TRPM3: variants seen among roughly 807,000 people sequenced by gnomAD.
TRPM3 encodes the protein long transient receptor potential channel 3.
Under a neutral mutation model 181.2 loss-of-function variants are expected in TRPM3, and 77 were observed. The observed-to-expected ratio is 0.42, with a 90% CI of 0.35 to 0.51. The LOEUF is 0.51. Ranked by LOEUF, TRPM3 falls within the 20% of genes least tolerant of loss-of-function variation. The pLI is 0.01. For missense variants in TRPM3, 1,759 were observed against 2,196.7 expected (o/e 0.80, Z 3.98); for synonymous variants, 745 against 796.4 (o/e 0.94, Z 1.09).
chr9:71,352,812 T>C (rs746670944), intron 1 of TRPM3, among the ~76,000 whole-genome samples: 12 of 152,146 alleles, frequency 7.9e-5, no homozygotes, highest in Non-Finnish European at 1.5e-4. Flanking sequence ...AACCAAAGTC[T>C]ACCAGAGTGG....
At chr9:71,231,185 G>A (rs547271561) in intron 1 of TRPM3, among the ~76,000 whole-genome samples, 15 of 152,134 alleles carry the variant, frequency 9.9e-5, no homozygotes, top group African/African-American at 3.4e-4. Context: ...AGGACTTTAC[G>A]GTTGACTGTA....
intron 7 of TRPM3, among the ~76,000 whole-genome samples, chr9:70,783,631 C>T (rs187170236): frequency 1.1e-3 from 169 of 152,224 alleles, no homozygotes; most frequent in African/African-American, 3.8e-3. Context: ...TCTAGAGAAG[C>T]CTGATGGCAC....
At chr9:70,607,852 C>T (rs749200879) in intron 19 of TRPM3, among the ~76,000 whole-genome samples, 1 of 152,172 alleles carries the variant, frequency 6.6e-6, no homozygotes, top group African/African-American at 2.4e-5. Context: ...TTTGTAGAAC[C>T]GATAGTCTCT....
At chr9:70,762,381 C>G (rs2078299354) in intron 7 of TRPM3, among the ~76,000 whole-genome samples, 1 of 152,062 alleles carries the variant, frequency 6.6e-6, no homozygotes, top group African/African-American at 2.4e-5. Context: ...TAAATGAAAA[C>G]AGGAAAGAGG....
chr9:71,402,761 G>A (rs2093365268), intron 1 of TRPM3, among the ~76,000 whole-genome samples: 1 of 152,124 alleles, frequency 6.6e-6, no homozygotes, highest in African/African-American at 2.4e-5. Flanking sequence ...CTGTGAGACA[G>A]GGAGGCCATG....
At chr9:70,640,974 G>A (rs1460237665) in intron 9 of TRPM3, among the ~76,000 whole-genome samples, 1 of 151,986 alleles carries the variant, frequency 6.6e-6, no homozygotes, top group African/African-American at 2.4e-5. Context: ...GTGATATTTT[G>A]ATGCATGCAT....
chr9:70,970,554 C>T (rs2097232869), intron 1 of TRPM3, among the ~76,000 whole-genome samples: 1 of 152,122 alleles, frequency 6.6e-6, no homozygotes, highest in Non-Finnish European at 1.5e-5. Context: ...TTTCCTGCTA[C>T]TCTCCTCTCT....
At chr9:70,572,004 C>T (rs2052545080) in intron 22 of TRPM3, among the ~76,000 whole-genome samples, 1 of 152,060 alleles carries the variant, frequency 6.6e-6, no homozygotes, top group African/African-American at 2.4e-5. Context: ...TCACTAAGGA[C>T]ACAGTGCTTT....
chr9:71,316,211 C>T (rs185553975), intron 1 of TRPM3, among the ~76,000 whole-genome samples: 18 of 152,252 alleles, frequency 1.2e-4, no homozygotes, highest in South Asian at 4.1e-4. Context: ...GTTATCCCAA[C>T]GTCTACTTTT....
chr9:70,693,472 C>T (rs562751339), intron 8 of TRPM3, among the ~76,000 whole-genome samples: 11 of 151,740 alleles, frequency 7.2e-5, no homozygotes, highest in Admixed American at 5.9e-4. Flanking sequence ...ACATTTTTAG[C>T]GCTTTTTTTT....
chr9:70,624,380 C>G (rs1258459076), intron 14 of TRPM3, among the ~76,000 whole-genome samples: 1 of 152,118 alleles, frequency 6.6e-6, no homozygotes, highest in African/African-American at 2.4e-5. Flanking sequence ...AATACAGCCT[C>G]GAACTCCTGG....
At chr9:70,559,746 C>G (rs1039512612) in intron 22 of TRPM3, among the ~76,000 whole-genome samples, 3 of 152,162 alleles carry the variant, frequency 2.0e-5, no homozygotes, top group Non-Finnish European at 4.4e-5. Context: ...CAGTGACATT[C>G]TTCTTTTCAG....
chr9:71,440,125 AAAAT>A lies in TRPM3; in HGVS notation c.183+6524_183+6527del, dbSNP rs567623898. ...GTGACACAATGAGACTCCATCTCAA[AAAAT>A]AAATAAATAAATAAATACTTTTCTT... On this transcript the variant is annotated intron_variant, in intron 1 of 24. Coordinates refer to the TRPM3 transcript ENST00000357533. 9.4e-3 allele frequency among the ~76,000 whole-genome samples: 1,436 copies of A among 152,216 alleles called. 25 individuals carry two copies. The highest frequency in any genetic ancestry group is 0.032 in the African/African-American group (1,349 of 41,508).
chr9:70,995,756 A>C (rs2097536206), intron 1 of TRPM3, among the ~76,000 whole-genome samples: 1 of 152,200 alleles, frequency 6.6e-6, no homozygotes, highest in South Asian at 2.1e-4. Context: ...CTCTTAAAAA[A>C]TAATTGCTCA....
chr9:70,761,513 A>C (rs2078136284), intron 8 of TRPM3, 88 bp downstream of exon 8: 1 of 1,586,600 alleles, frequency 6.3e-7, no homozygotes, highest in East Asian at 2.2e-5. Flanking sequence ...GAAAGAGAGA[A>C]TGTTGCATGA....
At chr9:70,590,724 C>G (rs539028335) in intron 22 of TRPM3, among the ~76,000 whole-genome samples, 4 of 151,388 alleles carry the variant, frequency 2.6e-5, no homozygotes, top group Non-Finnish European at 4.4e-5. Context: ...CAACACATGG[C>G]CCTGGGAGTT....
chr9:71,050,858 C>T lies in TRPM3; in HGVS notation c.177+70320G>A, dbSNP rs185302218. Among the ~76,000 whole-genome samples, 477 of 152,246 alleles carry T rather than the reference C, an allele frequency of 3.1e-3. 1 individual carries two copies. Among genetic ancestry groups the T allele is most frequent in the South Asian group, 0.011 (52 of 4,826 alleles). ...CCTCACTTCAAAGAAGAGGGCTCCC[C>T]TTAGTCCAGATGCATTTATAATACA... On this transcript the variant is annotated intron_variant, in intron 1 of 25. Transcript: ENST00000677713.
chr9:71,441,563 G>C (rs983510420), intron 1 of TRPM3, among the ~76,000 whole-genome samples: 1 of 151,264 alleles, frequency 6.6e-6, no homozygotes, highest in Admixed American at 6.6e-5. Context: ...TACTAGCCAC[G>C]TAATCCTTAA....
intron 1 of TRPM3, among the ~76,000 whole-genome samples, chr9:71,366,834 G>A (rs1301480064): frequency 6.6e-6 from 1 of 152,120 alleles, no homozygotes; most frequent in Non-Finnish European, 1.5e-5. Context: ...TTTGGCAGGG[G>A]TAAATCTGTA....
Sources: gnomAD v4.1 joint callset for allele counts (sites outside exome capture counted in the v4.1 genomes callset) on GRCh38, gnomAD v4.1.1 for gene constraint, MANE v1.5 for transcripts, NCBI Gene and HGNC (gene_info 2026-07-23, HGNC 2026-07-21) for gene names.